HMCN1: variants seen among roughly 807,000 people sequenced by gnomAD.
HMCN1 encodes hemicentin-1.
HMCN1 carries 321 observed loss-of-function variants against 625.9 expected under a neutral mutation model. The ratio of observed to expected loss-of-function variants is 0.51; its 90% CI spans 0.47 to 0.56. The LOEUF is 0.56. Ranked by LOEUF, HMCN1 falls within the 20% of genes least tolerant of loss-of-function variation. HMCN1 has a pLI of 0.00. For missense variants in HMCN1, 6,588 were observed against 6,887.3 expected, an observed-to-expected ratio of 0.96 and a Z score of 1.54; for synonymous variants, 2,425 against 2,417.6, an observed-to-expected ratio of 1.00 and a Z score of -0.09.
At chr1:186,099,472 G>C (rs1348742472) in intron 68 of HMCN1, among the ~76,000 whole-genome samples, 1 of 151,954 alleles carries the variant, frequency 6.6e-6, no homozygotes, top group African/African-American at 2.4e-5. Flanking sequence ...TATATGACAG[G>C]TATGTTTCTA....
chr1:185,921,651 C>T (rs924862590), intron 6 of HMCN1, among the ~76,000 whole-genome samples: 5 of 152,170 alleles, frequency 3.3e-5, no homozygotes, highest in African/African-American at 1.2e-4. Flanking sequence ...TCACTCCCAT[C>T]TCCTACTTCT....
At chr1:185,750,822 T>A (rs1270007627) in intron 1 of HMCN1, among the ~76,000 whole-genome samples, 1 of 151,968 alleles carries the variant, frequency 6.6e-6, no homozygotes, top group African/African-American at 2.4e-5. Context: ...TTGAGTTTTT[T>A]TAAAATTCTA....
intron 98 of HMCN1, 150 bp from the exon 99 acceptor site, chr1:186,166,034 G>C (rs1393242825): frequency 1.3e-6 from 1 of 752,016 alleles, no homozygotes; most frequent in Non-Finnish European, 2.2e-6. Context: ...TTTTTATTCA[G>C]TGAATTCATT....
chr1:185,892,485 T>G (rs1248318818), intron 4 of HMCN1, among the ~76,000 whole-genome samples: 4 of 151,952 alleles, frequency 2.6e-5, no homozygotes, highest in Admixed American at 6.5e-5. Flanking sequence ...ACAGATGGGT[T>G]TTTGGTGTGG....
intron 30 of HMCN1, among the ~76,000 whole-genome samples, chr1:186,009,836 A>G (rs886391062): frequency 2.0e-5 from 3 of 152,330 alleles, no homozygotes; most frequent in Admixed American, 6.5e-5. Flanking sequence ...ACTGTGGTCC[A>G]CAGATGAGTT....
intron 81 of HMCN1, among the ~76,000 whole-genome samples, chr1:186,124,545 C>T (rs892458643): frequency 2.0e-5 from 3 of 151,834 alleles, no homozygotes; most frequent in African/African-American, 4.8e-5. Flanking sequence ...TGAGTATTTA[C>T]GATGTACCAT....
At chr1:186,077,617 C>G (rs1658908623) in intron 54 of HMCN1, among the ~76,000 whole-genome samples, 1 of 152,002 alleles carries the variant, frequency 6.6e-6, no homozygotes, top group African/African-American at 2.4e-5. Flanking sequence ...ATAATTATTG[C>G]AACTTTTCTC....
chr1:186,023,527 G>C (rs150863377), intron 36 of HMCN1, among the ~76,000 whole-genome samples: 501 of 152,168 alleles, frequency 3.3e-3, no homozygotes, highest in African/African-American at 0.011. Flanking sequence ...GAAGGATTTA[G>C]TGAGTAGAAG....
At chr1:185,769,741 T>C (rs141621474) in intron 1 of HMCN1, among the ~76,000 whole-genome samples, 168 of 152,324 alleles carry the variant, frequency 1.1e-3, no homozygotes, top group African/African-American at 3.8e-3. Flanking sequence ...CTGGTCTTAC[T>C]GATGCCTGTG....
intron 4 of HMCN1, among the ~76,000 whole-genome samples, chr1:185,902,417 ATC>A (rs1292489610): frequency 3.8e-5 from 5 of 132,968 alleles, no homozygotes; most frequent in Non-Finnish European, 4.5e-5. Context: ...CTATCTATCT[ATC>A]TATCTATCTA....
intron 20 of HMCN1, among the ~76,000 whole-genome samples, chr1:185,989,056 G>A (rs899846002): frequency 4.4e-5 from 6 of 136,750 alleles, no homozygotes; most frequent in Non-Finnish European, 7.6e-5. Flanking sequence ...CACACAGGCT[G>A]GAGTGCAGTG....
At chr1:185,777,386 AC>A (rs1366585351) in intron 1 of HMCN1, among the ~76,000 whole-genome samples, 1 of 152,156 alleles carries the variant, frequency 6.6e-6, no homozygotes, top group African/African-American at 2.4e-5. Flanking sequence ...AATGTTTGAC[AC>A]AATGTTAAAG....
At chr1:185,786,660 G>T (rs1657591143) in intron 1 of HMCN1, among the ~76,000 whole-genome samples, 1 of 152,150 alleles carries the variant, frequency 6.6e-6, no homozygotes, top group African/African-American at 2.4e-5. Context: ...ATTTCAGTCT[G>T]CAAATTATTA....
At position 186,022,996 on chromosome 1, in the gene HMCN1, AC is replaced by A. The variant is rs758737337; in HGVS notation, c.5626-33del. The A allele has an allele frequency of 9.3e-6, 15 of 1,607,766 alleles. No individual in the cohort carries two copies. In the Admixed American group the frequency reaches 2.2e-4, roughly 23 times the overall value. ...ATATTTTCAAATCCAAGTATAAGAT[AC>A]AAAAATCCTCTGTGCTTTCTGCTCC... is the stretch of plus-strand genomic sequence containing the variant. On this transcript the variant is annotated intron_variant, in intron 35 of 106. Transcript: ENST00000271588.
At chr1:186,152,478 G>A (rs1650736652) in intron 95 of HMCN1, among the ~76,000 whole-genome samples, 1 of 152,198 alleles carries the variant, frequency 6.6e-6, no homozygotes, top group African/African-American at 2.4e-5. Context: ...TTTTATAAGA[G>A]TGCTTTGTTA....
chr1:185,758,212 T>C (rs1390445553), intron 1 of HMCN1, among the ~76,000 whole-genome samples: 1 of 152,206 alleles, frequency 6.6e-6, no homozygotes, highest in Non-Finnish European at 1.5e-5. Flanking sequence ...ATGAATTCAC[T>C]CTTTATTCAC....
At chr1:186,046,356 C>A (rs1656573453) in intron 41 of HMCN1, among the ~76,000 whole-genome samples, 1 of 152,078 alleles carries the variant, frequency 6.6e-6, no homozygotes, top group Admixed American at 6.5e-5. Context: ...GTAATCCCAG[C>A]TACTTGGGAG....
intron 1 of HMCN1, among the ~76,000 whole-genome samples, chr1:185,782,572 T>G (rs1253604538): frequency 6.6e-6 from 1 of 152,212 alleles, no homozygotes; most frequent in Non-Finnish European, 1.5e-5. Flanking sequence ...CATTTGCTTG[T>G]CTGTAAAGTA....
intron 11 of HMCN1, among the ~76,000 whole-genome samples, chr1:185,949,366 G>A (rs781603628): frequency 1.2e-3 from 182 of 151,956 alleles, no homozygotes; most frequent in Non-Finnish European, 2.2e-3. Flanking sequence ...ATAAAAAGGA[G>A]CGTGTATACA....
Sources: allele counts gnomAD v4.1 joint callset (sites outside exome capture counted in the v4.1 genomes callset), GRCh38; gene constraint gnomAD v4.1.1; transcripts MANE v1.5; gene names NCBI Gene and HGNC (gene_info 2026-07-23, HGNC 2026-07-21).